TMEM232: variants seen among roughly 807,000 people sequenced by gnomAD.
TMEM232 encodes transmembrane protein 232.
A neutral mutation model predicts 78.8 loss-of-function variants in TMEM232; 80 were observed. That is an observed-to-expected ratio of 1.01 (90% confidence interval 0.85 to 1.22). The LOEUF is 1.22. TMEM232 is among the 50% of genes most tolerant of loss of function. TMEM232 has a pLI of 0.00. For synonymous variants in TMEM232, 297 were observed against 254.3 expected (o/e 1.17, Z -1.60); for missense variants, 881 against 742.2 (o/e 1.19, Z -2.17).
At chr5:110,642,914 T>A (rs1786942759) in intron 2 of TMEM232, among the ~76,000 whole-genome samples, 1 of 152,078 alleles carries the variant, frequency 6.6e-6, no homozygotes, top group African/African-American at 2.4e-5. Flanking sequence ...TGGCATGATT[T>A]AACTTGAGCT....
At chr5:110,416,052 T>C (rs80042248), downstream of TMEM232, among the ~76,000 whole-genome samples, 24 of 152,322 alleles carry the variant, frequency 1.6e-4, no homozygotes, top group Admixed American at 1.1e-3. Context: ...GAAAAATGCA[T>C]GTAGCAGAAA....
chr5:110,536,302 G>C (rs1357462670), intron 11 of TMEM232, among the ~76,000 whole-genome samples: 1 of 152,062 alleles, frequency 6.6e-6, no homozygotes, highest in African/African-American at 2.4e-5. Flanking sequence ...TTCTTTTTCA[G>C]TATTTCAGCA....
At chr5:110,522,763 A>G (rs1379390328) in intron 12 of TMEM232, among the ~76,000 whole-genome samples, 1 of 151,962 alleles carries the variant, frequency 6.6e-6, no homozygotes, top group African/African-American at 2.4e-5. Flanking sequence ...CAGGGATAAA[A>G]CCCCTTTAGT....
chr5:110,515,176 A>C (rs546545029), intron 12 of TMEM232, among the ~76,000 whole-genome samples: 1 of 152,330 alleles, frequency 6.6e-6, no homozygotes, highest in African/African-American at 2.4e-5. Flanking sequence ...ACTCCATCTA[A>C]GGGTAGTACT....
chr5:110,702,362 G>A (rs756747276), intron 1 of TMEM232, among the ~76,000 whole-genome samples: 2 of 151,846 alleles, frequency 1.3e-5, no homozygotes, highest in Non-Finnish European at 2.9e-5. Context: ...ATACCCCCTT[G>A]TCTGAGGGCC....
chr5:110,671,450 T>C (rs1791339511), intron 1 of TMEM232, among the ~76,000 whole-genome samples: 1 of 152,164 alleles, frequency 6.6e-6, no homozygotes, highest in South Asian at 2.1e-4. Flanking sequence ...CATGCACACG[T>C]ATGTTTACTG....
At chr5:110,391,326 T>TGAGAGAGAGAGAGAGAGAGAGAGAGAGA (rs71626630) in intron 3 of TMEM232, among the ~76,000 whole-genome samples, 1 of 139,814 alleles carries the variant, frequency 7.2e-6, no homozygotes, top group African/African-American at 2.9e-5. Context: ...TGTGTGTGTG[T>TGAGAGAGAGAGAGAGAGAGAGAGAGAGA]GAGAGAGAGA....
chr5:110,454,485 A>C (rs1392208968), intron 12 of TMEM232, among the ~76,000 whole-genome samples: 1 of 151,838 alleles, frequency 6.6e-6, no homozygotes, highest in Non-Finnish European at 1.5e-5. Context: ...ACATAGCAAG[A>C]CTCTGTCTCT....
intron 12 of TMEM232, among the ~76,000 whole-genome samples, chr5:110,503,832 T>C (rs1002023495): frequency 6.6e-6 from 1 of 152,248 alleles, no homozygotes; most frequent in African/African-American, 2.4e-5. Flanking sequence ...GGTTATGAAA[T>C]GACTGTGCAT....
intron 10 of TMEM232, among the ~76,000 whole-genome samples, chr5:110,593,961 A>G (rs1052555056): frequency 2.0e-5 from 3 of 151,702 alleles, no homozygotes; most frequent in Admixed American, 1.3e-4. Flanking sequence ...ATGTATACTC[A>G]AAAGTTGACA....
At position 110,401,750 on chromosome 5, in the gene TMEM232, A is replaced by G. The variant is rs545477703; in HGVS notation, n.309-3896T>C. Among the ~76,000 whole-genome samples, 14 of 152,220 alleles carry G rather than the reference A, an allele frequency of 9.2e-5. No individual in the cohort carries two copies. In the South Asian group the frequency reaches 2.1e-3, roughly 23 times the overall value. On this transcript the variant is annotated intron_variant and non_coding_transcript_variant, in intron 2 of 8. Transcript: ENST00000507188. ...ACCCAATATACTTTTAATTGAATTAACTGCCAATATGTAATAAATAGATTA... is the reference window on the plus strand; with the variant it reads ...ACCCAATATACTTTTAATTGAATTAGCTGCCAATATGTAATAAATAGATTA...
chr5:110,695,323 A>G (rs529300252), intron 1 of TMEM232, among the ~76,000 whole-genome samples: 1 of 152,344 alleles, frequency 6.6e-6, no homozygotes, highest in East Asian at 1.9e-4. Flanking sequence ...GGAAATTTAT[A>G]GCACTAAATG....
chr5:110,619,167 G>C (rs560522536), intron 7 of TMEM232, among the ~76,000 whole-genome samples: 24 of 152,106 alleles, frequency 1.6e-4, no homozygotes, highest in African/African-American at 5.3e-4. Flanking sequence ...CTGAATTTTT[G>C]CCAACAGTGA....
At chr5:110,519,515 T>G (rs1769182883) in intron 12 of TMEM232, among the ~76,000 whole-genome samples, 1 of 152,104 alleles carries the variant, frequency 6.6e-6, no homozygotes, top group Non-Finnish European at 1.5e-5. Context: ...ACTTGTGGAT[T>G]GTTGGAAGAA....
At chr5:110,670,997 G>C (rs1791282397) in intron 1 of TMEM232, among the ~76,000 whole-genome samples, 1 of 151,904 alleles carries the variant, frequency 6.6e-6, no homozygotes, top group Non-Finnish European at 1.5e-5. Context: ...AGCTAAACTA[G>C]GAAAAGAAAA....
At chr5:110,451,075 T>C (rs1010161774) in intron 12 of TMEM232, among the ~76,000 whole-genome samples, 3 of 152,160 alleles carry the variant, frequency 2.0e-5, no homozygotes, top group Non-Finnish European at 4.4e-5. Context: ...CATTTGGCTG[T>C]GATGGAACAC....
intron 11 of TMEM232, among the ~76,000 whole-genome samples, chr5:110,548,311 TAAGA>T (rs1457298458): frequency 2.5e-4 from 37 of 150,034 alleles, no homozygotes; most frequent in African/African-American, 7.3e-5. Flanking sequence ...CAGAATTGCA[TAAGA>T]AAGTGGGTAT....
chr5:110,584,990 A>T (rs967976675), intron 10 of TMEM232, among the ~76,000 whole-genome samples: 1 of 152,146 alleles, frequency 6.6e-6, no homozygotes, highest in African/African-American at 2.4e-5. Context: ...TTTCTGGTTC[A>T]TGGGTCTTTT....
intron 3 of TMEM232, among the ~76,000 whole-genome samples, chr5:110,394,116 T>G (rs1402395320): frequency 1.3e-5 from 2 of 152,270 alleles, no homozygotes; most frequent in South Asian, 2.1e-4. Context: ...CTTCCCAGCC[T>G]TTGGTAATCA....
Sources: allele counts gnomAD v4.1 joint callset (sites outside exome capture counted in the v4.1 genomes callset), GRCh38; gene constraint gnomAD v4.1.1; transcripts MANE v1.5; gene names NCBI Gene and HGNC (gene_info 2026-07-23, HGNC 2026-07-21).